PPFIA2: variants seen among roughly 807,000 people sequenced by gnomAD.
The protein encoded by PPFIA2 is liprin-alpha-2.
Under a neutral mutation model 175.5 loss-of-function variants are expected in PPFIA2, and 46 were observed. The observed-to-expected ratio is 0.26, with a 90% CI of 0.21 to 0.34. PPFIA2 has a LOEUF of 0.34. Among genes scored for constraint, PPFIA2 ranks in the 10% least tolerant of loss-of-function variants. PPFIA2 has a pLI of 1.00. For synonymous variants in PPFIA2, 568 were observed against 511.4 expected (o/e 1.11, Z -1.49); for missense variants, 1,179 against 1,506.1 (o/e 0.78, Z 3.60).
intron 4 of PPFIA2, among the ~76,000 whole-genome samples, chr12:81,494,809 T>C (rs1170900816): frequency 3.3e-5 from 5 of 150,910 alleles, no homozygotes; most frequent in Non-Finnish European, 5.9e-5. Flanking sequence ...ATGGATGAAA[T>C]TGGAAATCAT....
chr12:81,674,998 G>A (rs1922407), intron 4 of PPFIA2, among the ~76,000 whole-genome samples: 46,208 of 151,692 alleles, frequency 0.3, 8,069 homozygotes, highest in Middle Eastern at 0.4. Context: ...ACTCTGAAAT[G>A]TTCATAATGT....
At chr12:81,479,358 G>A (rs759867825) in intron 4 of PPFIA2, among the ~76,000 whole-genome samples, 10 of 152,132 alleles carry the variant, frequency 6.6e-5, no homozygotes, top group African/African-American at 1.9e-4. Context: ...ACAGCACACC[G>A]ATAGGTCTTG....
intron 11 of PPFIA2, 166 bp from the exon 12 acceptor site, chr12:81,369,360 T>C (rs1048185221): frequency 3.7e-5 from 55 of 1,471,510 alleles, no homozygotes; most frequent in Middle Eastern, 2.5e-4. Context: ...GCTTGAAATG[T>C]GTCAGCTACA....
At chr12:81,603,843 A>G (rs1043539715) in intron 4 of PPFIA2, among the ~76,000 whole-genome samples, 1 of 151,016 alleles carries the variant, frequency 6.6e-6, no homozygotes, top group Non-Finnish European at 1.5e-5. Flanking sequence ...AAAAAAAAAA[A>G]AAAGCCCTGT....
chr12:81,297,962 T>C (rs1379547985), intron 23 of PPFIA2: 1 of 152,234 alleles, frequency 6.6e-6, no homozygotes, highest in East Asian at 1.9e-4. Flanking sequence ...AGGCAATTTC[T>C]GTGTACTCAG....
rs554492558 is a variant in PPFIA2, at chr12:81,498,708, T to A, written c.304-40842A>T. Among the ~76,000 whole-genome samples the A allele has an allele frequency of 3.3e-5, 5 of 152,282 alleles. No homozygotes were observed. The South Asian group carries it at 1.0e-3, about 32-fold the overall frequency. On this transcript the variant is annotated intron_variant, in intron 4 of 32. Coordinates refer to ENST00000549396, the MANE Select transcript of PPFIA2 (RefSeq NM_003625.5). The stretch of plus-strand genomic sequence containing the variant: ...GGCGTGATCTCGGCTCACTGCAACC[T>A]CCACCTCCCAGGTTCAAGTGATTCT...
intron 4 of PPFIA2, among the ~76,000 whole-genome samples, chr12:81,512,933 A>C (rs7308256): frequency 0.5 from 75,914 of 151,790 alleles, 19,241 homozygotes; most frequent in African/African-American, 0.57. Context: ...TTCTGAACAG[A>C]AAAATAAATA....
intron 4 of PPFIA2, among the ~76,000 whole-genome samples, chr12:81,601,069 A>C (rs2059741725): frequency 6.6e-6 from 1 of 151,914 alleles, no homozygotes; most frequent in Admixed American, 6.6e-5. Context: ...GGAATTATGA[A>C]TCTTTCCAGC....
chr12:81,721,076 T>TA lies in PPFIA2; in HGVS notation c.249+32896dup, dbSNP rs529352181. ...AATGGATGAATGATAGCGTCCTAGC[T>TA]AAAAAAAAAAAAAAAGGTGGCCGTT... On this transcript the variant is annotated intron_variant, in intron 3 of 32. Coordinates refer to ENST00000549396, the MANE Select transcript of PPFIA2 (RefSeq NM_003625.5). Among the ~76,000 whole-genome samples the TA allele has an allele frequency of 7.8e-3, 905 of 115,816 alleles. 4 individuals carry two copies. The highest frequency in any genetic ancestry group is 0.014 in the Admixed American group (154 of 11,246). The allele number at this position is 115,816 out of a possible 152,430, so 76.0% of individuals were successfully genotyped here. A position where few individuals can be genotyped will look rare whatever the true frequency, so the allele number is the denominator to read the frequency against.
chr12:81,282,244 C>G (rs979960911), intron 26 of PPFIA2, among the ~76,000 whole-genome samples: 4 of 151,868 alleles, frequency 2.6e-5, no homozygotes, highest in African/African-American at 9.7e-5. Flanking sequence ...CTTATCATGC[C>G]CTAATTTCTC....
intron 4 of PPFIA2, among the ~76,000 whole-genome samples, chr12:81,580,846 C>A (rs2074295654): frequency 6.6e-6 from 1 of 151,742 alleles, no homozygotes; most frequent in Non-Finnish European, 1.5e-5. Flanking sequence ...TGAACACCCA[C>A]AATTTGTTCA....
chr12:81,282,436 A>G (rs148316599), intron 26 of PPFIA2, among the ~76,000 whole-genome samples: 12 of 152,278 alleles, frequency 7.9e-5, no homozygotes, highest in Middle Eastern at 3.4e-3. Context: ...GATTGAATAT[A>G]ACACAAATTT....
chr12:81,693,167 T>C (rs1463332212), intron 3 of PPFIA2, among the ~76,000 whole-genome samples: 3 of 152,116 alleles, frequency 2.0e-5, no homozygotes, highest in Admixed American at 6.6e-5. Context: ...TCAGGAAGCA[T>C]TATAAAGTGT....
chr12:81,377,865 G>A (rs568897892), intron 9 of PPFIA2, among the ~76,000 whole-genome samples: 3 of 152,090 alleles, frequency 2.0e-5, no homozygotes, highest in South Asian at 4.2e-4. Flanking sequence ...CCCAAAATTC[G>A]TGTCCACTCT....
intron 4 of PPFIA2, among the ~76,000 whole-genome samples, chr12:81,649,949 T>TAAA (rs2066760614): frequency 6.6e-6 from 1 of 152,168 alleles, no homozygotes; most frequent in South Asian, 2.1e-4. Flanking sequence ...ATATATTGAT[T>TAAA]GTCATGGTGA....
chr12:81,724,699 T>C (rs1057479226), intron 3 of PPFIA2, among the ~76,000 whole-genome samples: 1 of 151,036 alleles, frequency 6.6e-6, no homozygotes, highest in Non-Finnish European at 1.5e-5. Flanking sequence ...GATATGTATA[T>C]ATACCACATT....
At chr12:81,721,608 C>T (rs1267275451) in intron 3 of PPFIA2, among the ~76,000 whole-genome samples, 2 of 151,334 alleles carry the variant, frequency 1.3e-5, no homozygotes, top group Non-Finnish European at 3.0e-5. Context: ...TCCCCCCTCA[C>T]CCCTGTTCCA....
chr12:81,368,678 T>A, intron 13 of PPFIA2, 47 bp downstream of exon 13: 1 of 1,560,726 alleles, frequency 6.4e-7, no homozygotes, highest in Non-Finnish European at 8.7e-7. Flanking sequence ...AAAACAAACA[T>A]GAGCATTGCA....
At chr12:81,737,990 T>G (rs2153649734) in intron 3 of PPFIA2, among the ~76,000 whole-genome samples, 1 of 151,636 alleles carries the variant, frequency 6.6e-6, no homozygotes, top group East Asian at 1.9e-4. Flanking sequence ...TAAATGGCAG[T>G]AAGTCACAAT....
Sources: gnomAD v4.1 joint callset for allele counts (sites outside exome capture counted in the v4.1 genomes callset) on GRCh38, gnomAD v4.1.1 for gene constraint, MANE v1.5 for transcripts, NCBI Gene and HGNC (gene_info 2026-07-23, HGNC 2026-07-21) for gene names.